Variants in TCF7 observed in about 807,000 individuals in gnomAD.
TCF7 encodes T-cell-factor-7.
A neutral mutation model predicts 46.8 loss-of-function variants in TCF7; 19 were observed. The observed-to-expected ratio is 0.41, with a 90% confidence interval of 0.28 to 0.60. The LOEUF (loss-of-function observed/expected upper bound fraction) is 0.60. TCF7 is among the 20% of genes least tolerant of loss of function. The pLI is 0.35. For missense variants in TCF7, 547 were observed against 504.6 expected, an observed-to-expected ratio of 1.08 and a Z score of -0.81; for synonymous variants, 245 against 213.4, an observed-to-expected ratio of 1.15 and a Z score of -1.29.
chr5:134,145,655 G>A (rs1760582993), intron 9 of TCF7: 3 of 1,400,394 alleles, frequency 2.1e-6, no homozygotes, highest in Non-Finnish European at 3.0e-6. Flanking sequence ...GGAGGAGTTT[G>A]GGGTGTGTCT....
chr5:134,126,263 A>G (rs1374455005), intron 3 of TCF7, among the ~76,000 whole-genome samples: 1 of 151,834 alleles, frequency 6.6e-6, no homozygotes, highest in East Asian at 1.9e-4. Flanking sequence ...TGCAGCAGCC[A>G]CCCCAGAGCT....
upstream of TCF7, among the ~76,000 whole-genome samples, chr5:134,110,022 C>A (rs1028307930): frequency 6.6e-6 from 1 of 152,186 alleles, no homozygotes; most frequent in Non-Finnish European, 1.5e-5. Flanking sequence ...TAGACTCCTT[C>A]CTGGGGAAAT....
chr5:134,122,265 T>G (rs1756696261), intron 3 of TCF7, among the ~76,000 whole-genome samples: 1 of 152,048 alleles, frequency 6.6e-6, no homozygotes, highest in Non-Finnish European at 1.5e-5. Flanking sequence ...GGTTTGCCCC[T>G]CCTCTGGAAA....
intron 3 of TCF7, among the ~76,000 whole-genome samples, chr5:134,132,375 T>TA (rs1429275808): frequency 6.6e-6 from 1 of 152,292 alleles, no homozygotes; most frequent in African/African-American, 2.4e-5. Flanking sequence ...AGCTCATAAA[T>TA]ACACCCTGAC....
chr5:134,113,690 G>A (rs1344400341), upstream of TCF7, among the ~76,000 whole-genome samples: 1 of 152,276 alleles, frequency 6.6e-6, no homozygotes, highest in Non-Finnish European at 1.5e-5. Flanking sequence ...CAAGCGCGCC[G>A]TGGAGGCCCG....
chr5:134,115,232 T>G, intron 1 of TCF7, 77 bp downstream of exon 1: 1 of 1,297,794 alleles, frequency 7.7e-7, no homozygotes. Flanking sequence ...GCCCTCGGGG[T>G]CTCCAGCGCG....
intron 3 of TCF7, among the ~76,000 whole-genome samples, chr5:134,118,161 T>C (rs1455802353): frequency 6.6e-6 from 1 of 152,246 alleles, no homozygotes; most frequent in Non-Finnish European, 1.5e-5. Context: ...ATATTTATTA[T>C]TGGATTCAAG....
intron 9 of TCF7, 190 bp downstream of exon 9, chr5:134,143,830 C>A (rs17167298): frequency 0.019 from 11,629 of 620,236 alleles, 687 homozygotes; most frequent in African/African-American, 0.15. Flanking sequence ...ATACTAAGTC[C>A]CAGGGAAACC....
upstream of TCF7, among the ~76,000 whole-genome samples, chr5:134,113,377 A>G (rs1158884884): frequency 1.3e-5 from 2 of 152,220 alleles, no homozygotes; most frequent in Non-Finnish European, 2.9e-5. Flanking sequence ...TAGGATCTGA[A>G]CACAGGGAAG....
chr5:134,134,101 C>T (rs558548601), intron 3 of TCF7, among the ~76,000 whole-genome samples: 1 of 152,346 alleles, frequency 6.6e-6, no homozygotes, highest in African/African-American at 2.4e-5. Flanking sequence ...GGTAGCTTCT[C>T]AGTAAACCAC....
chr5:134,139,566 G>A (rs1759426541), intron 5 of TCF7: 1 of 153,912 alleles, frequency 6.5e-6, no homozygotes, highest in South Asian at 2.0e-4. Flanking sequence ...CAGCCTGCTT[G>A]GAGATTCTTA....
intron 3 of TCF7, among the ~76,000 whole-genome samples, chr5:134,135,485 C>T (rs10479068): frequency 0.047 from 7,169 of 152,162 alleles, 489 homozygotes; most frequent in African/African-American, 0.15. Flanking sequence ...GGATTCTAGA[C>T]ACATTTTGAA....
chr5:134,145,926 G>A (rs1760629787), intron 9 of TCF7: 5 of 1,510,184 alleles, frequency 3.3e-6, no homozygotes, highest in Non-Finnish European at 3.5e-6. Context: ...GCCGGGACTG[G>A]GAGATGACTC....
rs1164276034 is a variant in TCF7 at position 134,143,572 on chromosome 5, C to A, written c.1027-20C>A. 6.2e-7 allele frequency: 1 copy of A among 1,613,968 alleles called. No individual in the cohort carries two copies. Among genetic ancestry groups the A allele is most frequent in the African/African-American group, 1.3e-5 (1 of 74,914 alleles). On this transcript the variant is annotated intron_variant, in intron 8 of 9. Transcript: ENST00000342854. ...TGTCTGCCTCCCAGATCTGAGCATCCCTCCTTTTGTTCCCTGCAGGGGAAG... is the reference window on the plus strand; with the variant it reads ...TGTCTGCCTCCCAGATCTGAGCATCACTCCTTTTGTTCCCTGCAGGGGAAG...
chr5:134,111,448 CACTA>C (rs1382241596), upstream of TCF7, among the ~76,000 whole-genome samples: 6 of 152,170 alleles, frequency 3.9e-5, no homozygotes. Context: ...AGATTGCACT[CACTA>C]CCCTGTGGAA....
chr5:134,109,347 G>T, the TCF7 span, among the ~76,000 whole-genome samples: 1 of 152,192 alleles, frequency 6.6e-6, no homozygotes, highest in East Asian at 1.9e-4. Flanking sequence ...GTATTCCTCT[G>T]TGAAGCTGCA....
chr5:134,122,913 T>C (rs370965533), intron 3 of TCF7, among the ~76,000 whole-genome samples: 1 of 152,028 alleles, frequency 6.6e-6, no homozygotes. Context: ...CTTAGAGGAG[T>C]GGTCAGAGGG....
At chr5:134,143,209 G>T in intron 8 of TCF7, 109 bp downstream of exon 8, 3 of 1,233,698 alleles carry the variant, frequency 2.4e-6, no homozygotes, top group Non-Finnish European at 3.4e-6. Flanking sequence ...TGAAGGCACC[G>T]ATGAGGAAGG....
intron 9 of TCF7, chr5:134,145,784 GTCACT>G: frequency 6.2e-7 from 1 of 1,613,958 alleles, no homozygotes. Flanking sequence ...ATGGACAAGA[GTCACT>G]GTCCATGTCT....
Sources: gnomAD v4.1 joint callset for allele counts (sites outside exome capture counted in the v4.1 genomes callset) on GRCh38, gnomAD v4.1.1 for gene constraint, MANE v1.5 for transcripts, NCBI Gene and HGNC (gene_info 2026-07-23, HGNC 2026-07-21) for gene names.